PPARGC1A: variants seen among roughly 807,000 people sequenced by gnomAD.
PPARGC1A encodes PPARG coactivator 1 alpha.
In PPARGC1A, 25 loss-of-function variants were observed where a neutral mutation model predicts 88.7. That is an observed-to-expected ratio of 0.28 (90% CI 0.21 to 0.39). PPARGC1A has a LOEUF of 0.39. Ranked by LOEUF, PPARGC1A falls within the 10% of genes least tolerant of loss-of-function variation. The pLI is 1.00. For missense variants in PPARGC1A, 880 were observed against 968.7 expected (o/e 0.91, Z 1.22); for synonymous variants, 363 against 355.6 (o/e 1.02, Z -0.24).
At chr4:23,844,043 T>C (rs1727540065) in intron 2 of PPARGC1A, among the ~76,000 whole-genome samples, 1 of 151,474 alleles carries the variant, frequency 6.6e-6, no homozygotes, top group African/African-American at 2.4e-5. Flanking sequence ...TTTACACATA[T>C]TTATTGAGTG....
chr4:24,272,374 CA>C, the PPARGC1A span, among the ~76,000 whole-genome samples: 1 of 152,106 alleles, frequency 6.6e-6, no homozygotes, highest in Non-Finnish European at 1.5e-5. Flanking sequence ...CCCATAATGC[CA>C]GAGAACCACT....
the PPARGC1A span, among the ~76,000 whole-genome samples, chr4:24,226,851 T>C: frequency 1.3e-5 from 2 of 152,144 alleles, no homozygotes; most frequent in South Asian, 2.1e-4. Flanking sequence ...TGTTTATAGA[T>C]AGTGAAATGC....
chr4:24,391,364 C>T, the PPARGC1A span, among the ~76,000 whole-genome samples: 1 of 152,082 alleles, frequency 6.6e-6, no homozygotes, highest in Admixed American at 6.6e-5. Context: ...ACATCTAAAC[C>T]TACAAAAAGT....
At chr4:24,226,266 AC>A in the PPARGC1A span, among the ~76,000 whole-genome samples, 807 of 152,320 alleles carry the variant, frequency 5.3e-3, 5 homozygotes, top group South Asian at 8.9e-3. Context: ...AAATCTGTTC[AC>A]AGCTCAGAGG....
At chr4:24,312,382 A>T in the PPARGC1A span, among the ~76,000 whole-genome samples, 6 of 85,886 alleles carry the variant, frequency 7.0e-5, no homozygotes, top group Admixed American at 2.6e-4. Context: ...ATTTAGGGAT[A>T]TTTTTTCCTA....
At chr4:24,355,162 C>T in the PPARGC1A span, among the ~76,000 whole-genome samples, 3 of 152,240 alleles carry the variant, frequency 2.0e-5, no homozygotes, top group Non-Finnish European at 4.4e-5. Flanking sequence ...TCAGAATTCA[C>T]GACTGATGGA....
chr4:24,236,512 G>A, the PPARGC1A span, among the ~76,000 whole-genome samples: 2 of 152,142 alleles, frequency 1.3e-5, no homozygotes, highest in South Asian at 2.1e-4. Flanking sequence ...AAGAGGTGGA[G>A]CAGAAAAATG....
the PPARGC1A span, among the ~76,000 whole-genome samples, chr4:24,220,234 C>T: frequency 1.4e-4 from 21 of 152,044 alleles, no homozygotes; most frequent in Admixed American, 9.8e-4. Flanking sequence ...CAGATGTTGG[C>T]GAGGTTGCAG....
chr4:24,007,872 T>C, the PPARGC1A span, among the ~76,000 whole-genome samples: 405 of 152,188 alleles, frequency 2.7e-3, 1 homozygote, highest in Non-Finnish European at 4.4e-3. Flanking sequence ...CGAGAACTGA[T>C]AGGGACATAG....
At chr4:24,046,129 C>T in the PPARGC1A span, among the ~76,000 whole-genome samples, 2 of 152,130 alleles carry the variant, frequency 1.3e-5, no homozygotes, top group East Asian at 3.9e-4. Flanking sequence ...ATAAATATGC[C>T]AGCCCTACAA....
At chr4:24,454,008 C>CCTTGCAAGCTT in the PPARGC1A span, among the ~76,000 whole-genome samples, 1 of 151,910 alleles carries the variant, frequency 6.6e-6, no homozygotes, top group Non-Finnish European at 1.5e-5. Flanking sequence ...CCTCAAGACG[C>CCTTGCAAGCTT]CTTGCAAGCT....
chr4:23,979,935 T>A, the PPARGC1A span, among the ~76,000 whole-genome samples: 1 of 152,174 alleles, frequency 6.6e-6, no homozygotes, highest in South Asian at 2.1e-4. Context: ...ACAGCCTTAT[T>A]GGGGCTGCTA....
At chr4:24,224,912 A>C in the PPARGC1A span, among the ~76,000 whole-genome samples, 203 of 152,286 alleles carry the variant, frequency 1.3e-3, no homozygotes, top group African/African-American at 4.5e-3. Flanking sequence ...AGTCATATGG[A>C]TATCTATATC....
the PPARGC1A span, among the ~76,000 whole-genome samples, chr4:24,046,974 G>C: frequency 1.3e-5 from 2 of 152,106 alleles, no homozygotes; most frequent in Non-Finnish European, 2.9e-5. Flanking sequence ...ATTCACTCCT[G>C]TTGTGTTAAG....
the PPARGC1A span, among the ~76,000 whole-genome samples, chr4:24,374,702 A>G: frequency 6.6e-6 from 1 of 152,138 alleles, no homozygotes; most frequent in Non-Finnish European, 1.5e-5. Flanking sequence ...GCCACTTCAC[A>G]CCCACTAGGA....
chr4:24,437,477 G>A, the PPARGC1A span, among the ~76,000 whole-genome samples: 5 of 152,240 alleles, frequency 3.3e-5, no homozygotes, highest in East Asian at 1.9e-4. Context: ...ATGAGTAGCC[G>A]GACACAGTGA....
At chr4:24,435,306 T>C in the PPARGC1A span, among the ~76,000 whole-genome samples, 1 of 152,196 alleles carries the variant, frequency 6.6e-6, no homozygotes, top group Non-Finnish European at 1.5e-5. Context: ...AATGACATCA[T>C]AAATTACATA....
chr4:24,273,195 T>C, the PPARGC1A span, among the ~76,000 whole-genome samples: 2 of 152,184 alleles, frequency 1.3e-5, no homozygotes, highest in Admixed American at 1.3e-4. Flanking sequence ...GTGGGAGAGC[T>C]TGGGGAGCTG....
At chr4:24,029,788 A>G in the PPARGC1A span, among the ~76,000 whole-genome samples, 2 of 151,992 alleles carry the variant, frequency 1.3e-5, no homozygotes, top group Middle Eastern at 3.4e-3. Context: ...ACAGGAAAAA[A>G]AAATATAATA....
Sources: allele counts gnomAD v4.1 joint callset (sites outside exome capture counted in the v4.1 genomes callset), GRCh38; gene constraint gnomAD v4.1.1; transcripts MANE v1.5; gene names NCBI Gene and HGNC (gene_info 2026-07-23, HGNC 2026-07-21).